The following GNAO1 variants were observed in gnomAD, a reference collection of about 807,000 sequenced individuals.
The protein encoded by GNAO1 is guanine nucleotide-binding protein G(o) subunit alpha.
For synonymous variants in GNAO1, 164 were observed against 180.7 expected, an observed-to-expected ratio of 0.91 and a Z score of 0.74; for missense variants, 166 against 478.7, an observed-to-expected ratio of 0.35 and a Z score of 6.10.
intron 6 of GNAO1, among the ~76,000 whole-genome samples, chr16:56,349,382 C>A (rs1854466399): frequency 1.3e-5 from 2 of 152,180 alleles, no homozygotes; most frequent in African/African-American, 4.8e-5. Flanking sequence ...TCCTTGGGGT[C>A]TCAGAGCCTC....
At chr16:56,320,303 G>A (rs546358837) in intron 3 of GNAO1, among the ~76,000 whole-genome samples, 94 of 152,294 alleles carry the variant, frequency 6.2e-4, no homozygotes, top group Non-Finnish European at 1.1e-3. Flanking sequence ...ACGTGGAGCC[G>A]TGTATACTCG....
At chr16:56,264,135 A>T (rs2036930185) in intron 2 of GNAO1, among the ~76,000 whole-genome samples, 1 of 152,248 alleles carries the variant, frequency 6.6e-6, no homozygotes, top group African/African-American at 2.4e-5. Flanking sequence ...CCGATGATGC[A>T]GGCCTGAGAA....
chr16:56,197,047 C>T (rs1420993028), intron 2 of GNAO1, among the ~76,000 whole-genome samples: 1 of 152,206 alleles, frequency 6.6e-6, no homozygotes, highest in Admixed American at 6.5e-5. Flanking sequence ...GCAGTCTTCA[C>T]TTGATCTTAG....
At chr16:56,232,638 T>C (rs1338478510) in intron 2 of GNAO1, among the ~76,000 whole-genome samples, 4 of 152,230 alleles carry the variant, frequency 2.6e-5, no homozygotes, top group African/African-American at 9.7e-5. Context: ...AGAGCTGGTC[T>C]TCCTCCAACC....
intron 2 of GNAO1, among the ~76,000 whole-genome samples, chr16:56,232,247 T>C (rs1238462442): frequency 6.6e-6 from 1 of 152,206 alleles, no homozygotes; most frequent in Non-Finnish European, 1.5e-5. Context: ...TGTAACATAA[T>C]TGACCCTCTT....
intron 2 of GNAO1, among the ~76,000 whole-genome samples, chr16:56,272,712 C>A (rs967088224): frequency 6.6e-6 from 1 of 152,206 alleles, no homozygotes; most frequent in Admixed American, 6.5e-5. Flanking sequence ...TCAGTTTTCT[C>A]TTCTGTCAAA....
intron 2 of GNAO1, among the ~76,000 whole-genome samples, chr16:56,262,923 C>A (rs2036917269): frequency 6.6e-6 from 1 of 152,224 alleles, no homozygotes; most frequent in Admixed American, 6.5e-5. Flanking sequence ...GTCTCTGCAA[C>A]ATAACCAGTG....
chr16:56,292,700 T>C lies in GNAO1; in HGVS notation c.303+16628T>C, dbSNP rs16956283. Among the ~76,000 whole-genome samples the C allele has an allele frequency of 0.016, 2,412 of 152,336 alleles. 125 individuals carry two copies. In the East Asian group the frequency reaches 0.18, roughly 11 times the overall value. On this transcript the variant is annotated intron_variant, in intron 3 of 8. Coordinates refer to ENST00000262493, the MANE Select transcript of GNAO1 (RefSeq NM_020988.3). ...AAAATGGAGCTGTTCGCTGTCTTCC[T>C]ACACAGCATGTTCATGGCTTATGAG...
chr16:56,328,992 G>C (rs2037663479), intron 4 of GNAO1: 2 of 574,848 alleles, frequency 3.5e-6, no homozygotes, highest in South Asian at 4.2e-5. Context: ...AAAGAGGCCA[G>C]AGGAGGCAGA....
intron 3 of GNAO1, among the ~76,000 whole-genome samples, chr16:56,285,838 A>G (rs780123503): frequency 3.9e-5 from 6 of 152,204 alleles, no homozygotes; most frequent in Non-Finnish European, 8.8e-5. Flanking sequence ...TGAGCACTGT[A>G]GCTTTCACTG....
At chr16:56,313,695 A>G (rs1252293497) in intron 3 of GNAO1, among the ~76,000 whole-genome samples, 1 of 152,196 alleles carries the variant, frequency 6.6e-6, no homozygotes, top group Non-Finnish European at 1.5e-5. Flanking sequence ...GGAGAGTTGC[A>G]ATGTGGAATC....
At chr16:56,209,124 AT>A (rs1167282095) in intron 2 of GNAO1, among the ~76,000 whole-genome samples, 4 of 151,916 alleles carry the variant, frequency 2.6e-5, no homozygotes, top group Non-Finnish European at 5.9e-5. Context: ...TTGGAGATTT[AT>A]TTTATTTTCT....
At chr16:56,250,280 G>C (rs550142079) in intron 2 of GNAO1, among the ~76,000 whole-genome samples, 2 of 152,254 alleles carry the variant, frequency 1.3e-5, no homozygotes, top group South Asian at 2.1e-4. Context: ...TGGCTTACCA[G>C]GGGTCTTCAG....
At chr16:56,269,418 T>G (rs1039630484) in intron 2 of GNAO1, among the ~76,000 whole-genome samples, 8 of 152,234 alleles carry the variant, frequency 5.3e-5, no homozygotes, top group Middle Eastern at 6.8e-3. Flanking sequence ...TGACTGCACG[T>G]TCTCCCCCGT....
intron 2 of GNAO1, among the ~76,000 whole-genome samples, chr16:56,253,060 C>G (rs1200840144): frequency 6.6e-6 from 1 of 152,204 alleles, no homozygotes; most frequent in East Asian, 1.9e-4. Context: ...GAGTGTCTGA[C>G]TAGATAGCAG....
chr16:56,324,023 CG>C (rs1177461619), intron 3 of GNAO1, among the ~76,000 whole-genome samples: 3 of 151,464 alleles, frequency 2.0e-5, no homozygotes, highest in Admixed American at 1.3e-4. Context: ...GCGGGAAGGG[CG>C]GGGGGCCAGG....
intron 3 of GNAO1, among the ~76,000 whole-genome samples, chr16:56,315,613 G>T (rs576008106): frequency 6.6e-6 from 1 of 152,156 alleles, no homozygotes; most frequent in Non-Finnish European, 1.5e-5. Flanking sequence ...GAGGCACCAC[G>T]TAAGGCTGTC....
chr16:56,278,098 C>A (rs2037080609), intron 3 of GNAO1, among the ~76,000 whole-genome samples: 1 of 152,142 alleles, frequency 6.6e-6, no homozygotes, highest in Admixed American at 6.5e-5. Context: ...GAAACAGGGT[C>A]CCTTCTCTGG....
intron 2 of GNAO1, among the ~76,000 whole-genome samples, chr16:56,254,677 T>C (rs541276035): frequency 2.0e-5 from 3 of 152,324 alleles, no homozygotes; most frequent in East Asian, 1.9e-4. Flanking sequence ...TGTTGACTGA[T>C]GTACTGGATT....
Sources: gnomAD v4.1 joint callset for allele counts (sites outside exome capture counted in the v4.1 genomes callset) on GRCh38, gnomAD v4.1.1 for gene constraint, MANE v1.5 for transcripts, NCBI Gene and HGNC (gene_info 2026-07-23, HGNC 2026-07-21) for gene names.